The following MGLL variants were observed in gnomAD, a reference collection of about 807,000 sequenced individuals.
MGLL encodes monoglyceride lipase.
MGLL carries 7 observed loss-of-function variants against 29.1 expected under a neutral mutation model. The observed-to-expected ratio is 0.24, with a 90% confidence interval of 0.14 to 0.45. The LOEUF is 0.45. Among genes scored for constraint, MGLL ranks in the 20% least tolerant of loss-of-function variants. The probability of loss-of-function intolerance (pLI) is 0.99; values close to 1 mark genes in which losing one functional copy is unlikely to be tolerated. For synonymous variants in MGLL, 148 were observed against 168.3 expected (o/e 0.88, Z 0.93); for missense variants, 356 against 413.6 (o/e 0.86, Z 1.21).
chr3:127,750,618 G>A (rs1298844324), intron 3 of MGLL, among the ~76,000 whole-genome samples: 3 of 117,466 alleles, frequency 2.6e-5, no homozygotes, highest in Non-Finnish European at 5.7e-5. Context: ...TTCCACTCCC[G>A]GGCAAACGCA....
intron 6 of MGLL, among the ~76,000 whole-genome samples, chr3:127,707,309 T>A (rs1292908171): frequency 6.6e-6 from 1 of 152,194 alleles, no homozygotes; most frequent in East Asian, 1.9e-4. Context: ...AGTATGTGGA[T>A]GGCTGAGGGC....
intron 2 of MGLL, among the ~76,000 whole-genome samples, chr3:127,807,663 T>A (rs896702148): frequency 1.3e-5 from 2 of 149,968 alleles, no homozygotes; most frequent in African/African-American, 4.9e-5. Flanking sequence ...GACATAGTCA[T>A]ACAAGAACAG....
chr3:127,731,846 A>C (rs2076157985), intron 3 of MGLL, among the ~76,000 whole-genome samples: 1 of 152,226 alleles, frequency 6.6e-6, no homozygotes, highest in African/African-American at 2.4e-5. Flanking sequence ...TCATGACAGT[A>C]ATGTTCATGT....
chr3:127,790,028 C>T (rs2107720975), intron 2 of MGLL, among the ~76,000 whole-genome samples: 1 of 152,304 alleles, frequency 6.6e-6, no homozygotes, highest in African/African-American at 2.4e-5. Flanking sequence ...AAGTGACAAT[C>T]ACCCTGATTA....
intron 3 of MGLL, among the ~76,000 whole-genome samples, chr3:127,781,415 G>A (rs2077123451): frequency 6.6e-6 from 1 of 152,150 alleles, no homozygotes; most frequent in East Asian, 1.9e-4. Flanking sequence ...GTTAAACCAG[G>A]GTTTACACTG....
intron 3 of MGLL, among the ~76,000 whole-genome samples, chr3:127,742,269 C>G (rs1432144696): frequency 6.6e-6 from 1 of 152,176 alleles, no homozygotes; most frequent in Non-Finnish European, 1.5e-5. Flanking sequence ...CTTCTTTCTA[C>G]TGTAGTACTT....
intron 3 of MGLL, among the ~76,000 whole-genome samples, chr3:127,752,347 C>T (rs621353): frequency 0.53 from 81,171 of 152,158 alleles, 22,188 homozygotes; most frequent in Admixed American, 0.62. Context: ...GATCCACCCA[C>T]CTCAGCCTCC....
In MGLL at chr3:127,721,126, G is replaced by C. The variant is rs528804510; in HGVS notation, c.437C>G (p.Pro146Arg). 6.2e-7 allele frequency: 1 copy of C among 1,614,202 alleles called. No homozygotes were observed. The highest frequency in any genetic ancestry group is 1.7e-5 in the Admixed American group (1 of 60,022). ...AIAILTAAER[P>R]GHFAGMVLIS... is the part of the protein sequence containing the mutation. ...GAGTACCATGCCGGCGAAGTGGCCC[G>C]GCCTCTCTGCGGCCGTGAGGATGGC... The change falls in exon 5 of 8, where the codon CCG (proline) becomes CGG (arginine). Residue 146 changes from proline (P) to arginine (R), a missense_variant. By Grantham distance (103) the Pro-to-Arg change is moderately radical (BLOSUM62 -2). Transcript: ENST00000265052.
chr3:127,780,390 G>GA (rs201606221), intron 3 of MGLL, among the ~76,000 whole-genome samples: 2 of 151,456 alleles, frequency 1.3e-5, no homozygotes, highest in African/African-American at 2.4e-5. Context: ...AATGCAATAG[G>GA]AAAAAAAAAT....
chr3:127,742,229 CCTT>C (rs1413536675), intron 3 of MGLL, among the ~76,000 whole-genome samples: 1 of 152,166 alleles, frequency 6.6e-6, no homozygotes, highest in Non-Finnish European at 1.5e-5. Flanking sequence ...AAAAAAATGT[CCTT>C]ATTATATAAT....
In MGLL at chr3:127,696,905, TAC is replaced by T. The variant is rs1345995201; in HGVS notation, c.601-1717_601-1716del. On this transcript the variant is annotated intron_variant, in intron 6 of 7. Coordinates refer to ENST00000265052, the MANE Select transcript of MGLL (RefSeq NM_007283.7). ...GACTCAGCATTTCCAAGAACTGAGC[TAC>T]ACCCCTTCTGCTGCCACCCCTACAA... Among the ~76,000 whole-genome samples the T allele has an allele frequency of 2.0e-5, 3 of 152,278 alleles. No homozygotes were observed. In the East Asian group the frequency reaches 5.8e-4, roughly 29 times the overall value.
chr3:127,733,004 G>A (rs1290521412), intron 3 of MGLL, among the ~76,000 whole-genome samples: 1 of 152,196 alleles, frequency 6.6e-6, no homozygotes, highest in African/African-American at 2.4e-5. Flanking sequence ...AACGGGGGCT[G>A]GGTAAAATGA....
chr3:127,774,118 G>T (rs1048707736), intron 3 of MGLL, among the ~76,000 whole-genome samples: 9 of 152,160 alleles, frequency 5.9e-5, no homozygotes, highest in African/African-American at 1.9e-4. Context: ...GGCCCACAAG[G>T]CCCCTGCCCA....
rs181305086 is a variant in MGLL at position 127,786,354 on chromosome 3, A to G, written c.156-4459T>C. 1.4e-4 allele frequency among the ~76,000 whole-genome samples: 22 copies of G among 152,386 alleles called. 1 individual carries two copies. The South Asian group carries it at 2.5e-3, about 17-fold the overall frequency. On this transcript the variant is annotated intron_variant, in intron 2 of 7. Coordinates refer to ENST00000265052, the MANE Select transcript of MGLL (RefSeq NM_007283.7). ...CAACAGGCAGCAGCAGAAAATTAGC[A>G]GAGCCATTTATGCAGACAAGGCAAT... is the stretch of plus-strand genomic sequence containing the variant.
intron 2 of MGLL, 64 bp from the exon 3 acceptor site, chr3:127,781,959 G>T: frequency 6.7e-7 from 1 of 1,496,026 alleles, no homozygotes; most frequent in Non-Finnish European, 9.3e-7. Context: ...GGTGGCTCAT[G>T]CCTACAATTC....
Position 127,717,656 on chromosome 3 carries a change from A to AT in MGLL, c.510+3396dup, listed in dbSNP as rs371782823. 2.5e-3 allele frequency among the ~76,000 whole-genome samples: 374 copies of AT among 152,304 alleles called. 3 individuals carry two copies. Among genetic ancestry groups the AT allele is most frequent in the African/African-American group, 8.7e-3 (361 of 41,566 alleles). Reference sequence around the variant, plus strand: ...ACAACCTTGGCAACAGGGAGAGGTCATTTAGAATGATTACTCTCCTGGTAG... The same window carrying AT: ...ACAACCTTGGCAACAGGGAGAGGTCATTTTAGAATGATTACTCTCCTGGTAG... On this transcript the variant is annotated intron_variant, in intron 5 of 7. Coordinates refer to ENST00000265052, the MANE Select transcript of MGLL (RefSeq NM_007283.7).
intron 3 of MGLL, among the ~76,000 whole-genome samples, chr3:127,746,738 G>A (rs1428886488): frequency 2.6e-5 from 4 of 152,154 alleles, no homozygotes; most frequent in South Asian, 4.1e-4. Flanking sequence ...TGCCACTCCC[G>A]TAGGGAGCCT....
At chr3:127,728,052 T>C (rs1168751219) in intron 3 of MGLL, among the ~76,000 whole-genome samples, 3 of 152,218 alleles carry the variant, frequency 2.0e-5, no homozygotes, top group African/African-American at 7.2e-5. Flanking sequence ...ATTAGATGCA[T>C]TAACTTCAAA....
At position 127,689,519 on chromosome 3, in the gene MGLL, G is replaced by A. The variant is rs1163269186; in HGVS notation, c.*2679C>T. 1.3e-5 allele frequency: 2 copies of A among 152,372 alleles called. No individual in the cohort carries two copies. Among genetic ancestry groups the A allele is most frequent in the Non-Finnish European group, 2.9e-5 (2 of 68,144 alleles). 9.4% of individuals were successfully genotyped at this position (152,372 alleles called of 1,614,324 possible). On this transcript the variant is annotated 3_prime_UTR_variant, in exon 8 of 8. Transcript: ENST00000265052. ...TCAGGCATGAAACCCATTTCTGTAT[G>A]GACTGGGCTGTGTTGACGGTGGTGC...
Sources: allele counts gnomAD v4.1 joint callset (sites outside exome capture counted in the v4.1 genomes callset), GRCh38; gene constraint gnomAD v4.1.1; transcripts MANE v1.5; gene names NCBI Gene and HGNC (gene_info 2026-07-23, HGNC 2026-07-21).